PLXNA1: variants seen among roughly 807,000 people sequenced by gnomAD.
The protein encoded by PLXNA1 is plexin-A1.
A neutral mutation model predicts 191.7 loss-of-function variants in PLXNA1; 77 were observed. The observed-to-expected ratio is 0.40, with a 90% CI of 0.33 to 0.49. The LOEUF (loss-of-function observed/expected upper bound fraction) is 0.49. Among genes scored for constraint, PLXNA1 ranks in the 20% least tolerant of loss-of-function variants. The pLI, the probability that PLXNA1 is intolerant of heterozygous loss-of-function variation, is 0.63. For synonymous variants in PLXNA1, 1,137 were observed against 1,156.4 expected (o/e 0.98, Z 0.34); for missense variants, 2,110 against 2,660.2 (o/e 0.79, Z 4.55).
chr3:127,004,891 G>A lies in PLXNA1; in HGVS notation c.1626G>A (p.Ser542=), dbSNP rs530023945. The A allele has an allele frequency of 3.1e-6, 5 of 1,593,258 alleles. No individual in the cohort carries two copies. The highest frequency in any genetic ancestry group is 2.2e-5 in the East Asian group (1 of 44,498). The change falls in exon 6 of 32, where the codon TCG becomes TCA. Residue 542 remains serine (S), a synonymous_variant. Transcript: ENST00000393409. ...TCAACCCCTCTGCCTGCAGCTGCTC[G>A]CGGCGGGACGCCTGTGAGCGAGCAG... ...CGWCVLHSIC[S]RRDACERADE... is the part of the protein sequence containing the mutation.
chr3:127,016,362 A>G (rs990521700), intron 15 of PLXNA1, among the ~76,000 whole-genome samples, 155 bp from the exon 16 acceptor site: 1 of 152,168 alleles, frequency 6.6e-6, no homozygotes, highest in Admixed American at 6.5e-5. Context: ...AGACATGCAC[A>G]GCCCTGGGAG....
intron 9 of PLXNA1, 114 bp from the exon 10 acceptor site, chr3:127,011,844 C>T (rs970716942): frequency 1.3e-5 from 13 of 993,846 alleles, no homozygotes; most frequent in Admixed American, 5.6e-5. Context: ...AAAATGGGCA[C>T]ATTGGTGCTT....
intron 25 of PLXNA1, chr3:127,028,699 G>A (rs2079189426): frequency 3.7e-6 from 2 of 538,762 alleles, no homozygotes; most frequent in Non-Finnish European, 6.6e-6. Flanking sequence ...GATGTGACTG[G>A]AGAGGCTGGG....
chr3:127,027,668 G>C (rs2079182849), intron 23 of PLXNA1: 1 of 606,684 alleles, frequency 1.6e-6, no homozygotes, highest in Non-Finnish European at 3.1e-6. Flanking sequence ...GCCACGCCAT[G>C]TTCCTCGATA....
At chr3:127,002,339 CCAGCCGA>C (rs2079045127) in intron 3 of PLXNA1, among the ~76,000 whole-genome samples, 1 of 152,250 alleles carries the variant, frequency 6.6e-6, no homozygotes, top group South Asian at 2.1e-4. Context: ...TCCCCCTCTC[CCAGCCGA>C]CAGCCTCTTT....
rs2079228167 is a variant in PLXNA1 at position 127,034,219 on chromosome 3, G to A, written c.*202G>A. 2 of 542,256 alleles carry A rather than the reference G, an allele frequency of 3.7e-6. No homozygotes were observed. The highest frequency in any genetic ancestry group is 6.1e-5 in the Admixed American group (2 of 32,630). 33.6% of individuals were successfully genotyped at this position (542,256 alleles called of 1,614,324 possible). On this transcript the variant is annotated 3_prime_UTR_variant, in exon 32 of 32. Coordinates refer to ENST00000393409, the MANE Select transcript of PLXNA1 (RefSeq NM_032242.4). ...AGGTGATGGTACCTGCCACACCACA[G>A]CTGCGCACACAGCTGCTTGCTCAGG...
intron 19 of PLXNA1, 132 bp downstream of exon 19, chr3:127,018,024 G>A: frequency 7.8e-7 from 1 of 1,282,840 alleles, no homozygotes; most frequent in Non-Finnish European, 1.1e-6. Context: ...CGGCTCCAGT[G>A]CAGGCCCTGC....
intron 10 of PLXNA1, among the ~76,000 whole-genome samples, 163 bp from the exon 11 acceptor site, chr3:127,013,855 CTG>C (rs1402048435): frequency 2.6e-5 from 4 of 152,294 alleles, no homozygotes; most frequent in Non-Finnish European, 5.9e-5. Context: ...AGAGGGGGCT[CTG>C]GAGCCAGGAA....
chr3:127,010,013 G>T lies in PLXNA1; in HGVS notation c.2113-1945G>T, dbSNP rs903502264. On this transcript the variant is annotated intron_variant, in intron 9 of 31. Coordinates refer to ENST00000393409, the MANE Select transcript of PLXNA1 (RefSeq NM_032242.4). Reference sequence around the variant, plus strand: ...TGCATGCCCCGCCAGTCAGCTCCCAGATCTGAGCAAGTCTATAGACTCCTT... The same window carrying T: ...TGCATGCCCCGCCAGTCAGCTCCCATATCTGAGCAAGTCTATAGACTCCTT... Among the ~76,000 whole-genome samples the T allele has an allele frequency of 3.3e-5, 5 of 152,256 alleles. No homozygotes were observed. In the South Asian group the frequency reaches 8.3e-4, roughly 25 times the overall value.
chr3:127,001,143 C>T (rs1328247561), intron 3 of PLXNA1, among the ~76,000 whole-genome samples: 1 of 152,174 alleles, frequency 6.6e-6, no homozygotes, highest in Non-Finnish European at 1.5e-5. Context: ...GGCTTCTTCC[C>T]TTCCTGGGAC....
At chr3:127,016,142 C>T (rs1437643436) in intron 15 of PLXNA1, among the ~76,000 whole-genome samples, 3 of 151,986 alleles carry the variant, frequency 2.0e-5, no homozygotes, top group Non-Finnish European at 4.4e-5. Flanking sequence ...CCCAGCCTGG[C>T]GTGCGTGGGA....
chr3:126,984,031 A>G (rs1046742476), intron 1 of PLXNA1, among the ~76,000 whole-genome samples: 10 of 152,216 alleles, frequency 6.6e-5, no homozygotes, highest in East Asian at 1.9e-4. Context: ...GGGCCTCTCC[A>G]GGGTCAGCCG....
intron 9 of PLXNA1, among the ~76,000 whole-genome samples, chr3:127,011,063 A>T (rs2079093191): frequency 6.6e-6 from 1 of 152,166 alleles, no homozygotes; most frequent in Admixed American, 6.5e-5. Context: ...CAGCATGCAG[A>T]GTCACTGGGC....
chr3:127,004,761 TCA>T, intron 5 of PLXNA1, 50 bp downstream of exon 5: 1 of 1,585,936 alleles, frequency 6.3e-7, no homozygotes, highest in South Asian at 1.1e-5. Flanking sequence ...CATGGTGGTC[TCA>T]CAGTGGGGGA....
chr3:127,016,000 G>C (rs547198438), intron 15 of PLXNA1, among the ~76,000 whole-genome samples: 1 of 152,290 alleles, frequency 6.6e-6, no homozygotes, highest in East Asian at 1.9e-4. Flanking sequence ...TAGTAGGAGT[G>C]GGTGCTGGGC....
intron 2 of PLXNA1, among the ~76,000 whole-genome samples, chr3:126,990,478 C>T (rs935701496): frequency 2.0e-5 from 3 of 152,224 alleles, no homozygotes; most frequent in Non-Finnish European, 2.9e-5. Context: ...TGTTCACACT[C>T]CTGGGCAGGC....
At chr3:127,012,238 G>A (rs1397614022) in intron 10 of PLXNA1, 80 bp downstream of exon 10, 3 of 1,448,212 alleles carry the variant, frequency 2.1e-6, no homozygotes, top group African/African-American at 2.8e-5. Context: ...CCTGGCGTGT[G>A]CTTGTTCATA....
At position 127,028,455 on chromosome 3, in the gene PLXNA1, T is replaced by G. The variant is rs913924567; in HGVS notation, c.4669+115T>G. 4 of 1,226,424 alleles carry G rather than the reference T, an allele frequency of 3.3e-6. 1 individual carries two copies. The Admixed American group carries it at 8.2e-5, about 25-fold the overall frequency. The allele number at this position is 1,226,424 out of a possible 1,614,324, so 76.0% of individuals were successfully genotyped here. On this transcript the variant is annotated intron_variant, in intron 25 of 31. Transcript: ENST00000393409. ...AGGCCAGTCCTCCACACCAGGCTGG[T>G]CTGGAGGGCAGTGGAATGGCGAGTG... is the stretch of plus-strand genomic sequence containing the variant.
Position 127,035,720 on chromosome 3 carries a change from C to T in PLXNA1, c.*1703C>T, listed in dbSNP as rs2079238736. ...ACATTAAGGGACAGCTAACTGTGGC[C>T]AGACTCAGCCCCATGTCCTTGGCCA... On this transcript the variant is annotated 3_prime_UTR_variant, in exon 32 of 32. Coordinates refer to ENST00000393409, the MANE Select transcript of PLXNA1 (RefSeq NM_032242.4). The T allele has an allele frequency of 6.6e-6, 1 of 152,506 alleles. No individual in the cohort carries two copies. Among genetic ancestry groups the T allele is most frequent in the Non-Finnish European group, 1.5e-5 (1 of 68,036 alleles). The allele number at this position is 152,506 out of a possible 1,614,324, so 9.4% of individuals were successfully genotyped here. A position where few individuals can be genotyped will look rare whatever the true frequency, so the allele number is the denominator to read the frequency against.
Sources: allele counts gnomAD v4.1 joint callset (sites outside exome capture counted in the v4.1 genomes callset), GRCh38; gene constraint gnomAD v4.1.1; transcripts MANE v1.5; gene names NCBI Gene and HGNC (gene_info 2026-07-23, HGNC 2026-07-21).